Variants in MAMDC2 observed in about 807,000 individuals in gnomAD.
The protein encoded by MAMDC2 is MAM domain containing 2.
In MAMDC2, 57 loss-of-function variants were observed where a neutral mutation model predicts 89.8. That is an observed-to-expected ratio of 0.63 (90% CI 0.51 to 0.79). MAMDC2 has a LOEUF of 0.79. MAMDC2 is among the 30% of genes least tolerant of loss of function. The pLI is 0.00. For synonymous variants in MAMDC2, 313 were observed against 293.4 expected, an observed-to-expected ratio of 1.07 and a Z score of -0.68; for missense variants, 800 against 820.6, an observed-to-expected ratio of 0.97 and a Z score of 0.31.
In MAMDC2 at chr9:70,091,996, T is replaced by A. The variant is rs139529590; in HGVS notation, c.149-16215T>A. 7.8e-3 allele frequency among the ~76,000 whole-genome samples: 1,193 copies of A among 152,350 alleles called. 9 individuals carry two copies. The highest frequency in any genetic ancestry group is 0.027 in the African/African-American group (1,139 of 41,584). On this transcript the variant is annotated intron_variant, in intron 2 of 13. Coordinates refer to ENST00000377182, the MANE Select transcript of MAMDC2 (RefSeq NM_153267.5). Reference sequence around the variant, plus strand: ...TGTTTATTGTTCTTGGACTTAAATTTATTGCCTTAATTTTAAAATATCTTT... The same window carrying A: ...TGTTTATTGTTCTTGGACTTAAATTAATTGCCTTAATTTTAAAATATCTTT...
In MAMDC2 at chr9:70,180,326, G is replaced by GT. The variant is rs575038386; in HGVS notation, c.1651+9696dup. 8.5e-5 allele frequency among the ~76,000 whole-genome samples: 13 copies of GT among 152,278 alleles called. No individual in the cohort carries two copies. In the East Asian group the frequency reaches 2.5e-3, roughly 29 times the overall value. ...GTAAATAGTGCTGCAGTAAACATAT[G>GT]TGTGCATGTGTCTTTACAGTAGAAT... On this transcript the variant is annotated intron_variant, in intron 11 of 13. Transcript: ENST00000377182.
intron 2 of MAMDC2, chr9:70,060,508 C>T (rs1827125714): frequency 6.6e-6 from 1 of 152,220 alleles, no homozygotes; most frequent in Admixed American, 6.5e-5. Flanking sequence ...GCACCCCCAA[C>T]TGTCCTTGTC....
intron 9 of MAMDC2, among the ~76,000 whole-genome samples, chr9:70,152,128 A>G (rs894348780): frequency 2.0e-5 from 3 of 151,998 alleles, no homozygotes; most frequent in Non-Finnish European, 2.9e-5. Flanking sequence ...TGCCTTTCTG[A>G]TGGCCTCCCA....
chr9:70,128,936 C>A (rs1427209675), intron 6 of MAMDC2, among the ~76,000 whole-genome samples: 1 of 152,212 alleles, frequency 6.6e-6, no homozygotes, highest in African/African-American at 2.4e-5. Flanking sequence ...GAATTACAGG[C>A]ATGAACCACT....
At chr9:70,189,995 T>C (rs147705579) in intron 11 of MAMDC2, among the ~76,000 whole-genome samples, 1 of 152,290 alleles carries the variant, frequency 6.6e-6, no homozygotes, top group Admixed American at 6.5e-5. Flanking sequence ...ATCATTCTCA[T>C]ACTTTATTTA....
intron 2 of MAMDC2, among the ~76,000 whole-genome samples, chr9:70,054,283 G>T (rs554355704): frequency 6.6e-6 from 1 of 152,126 alleles, no homozygotes; most frequent in African/African-American, 2.4e-5. Context: ...ACAGCAGGAG[G>T]CTAAGAAAAG....
chr9:70,180,853 T>A (rs1474058171), intron 11 of MAMDC2, among the ~76,000 whole-genome samples: 1 of 152,200 alleles, frequency 6.6e-6, no homozygotes, highest in African/African-American at 2.4e-5. Context: ...AGCTCTTTAG[T>A]TTAATCAGAT....
intron 12 of MAMDC2, among the ~76,000 whole-genome samples, chr9:70,218,885 T>C (rs192738299): frequency 1.4e-3 from 208 of 152,362 alleles, no homozygotes; most frequent in African/African-American, 3.6e-3. Flanking sequence ...TATTTCTATG[T>C]ATCATGCATA....
At chr9:70,191,015 T>C (rs2032866322) in intron 11 of MAMDC2, among the ~76,000 whole-genome samples, 1 of 152,116 alleles carries the variant, frequency 6.6e-6, no homozygotes. Flanking sequence ...ACATCTTTTG[T>C]AGAGTATAAG....
rs190004984 is a variant in MAMDC2, at chr9:70,221,394, G to T, written c.1911+2798G>T. ...ATATATATATATAGAGAGAGAGAGA[G>T]AGAGAGAGAGAGAGTAACATCAGAT... On this transcript the variant is annotated intron_variant, in intron 12 of 13. Transcript: ENST00000377182. 1.6e-3 allele frequency among the ~76,000 whole-genome samples: 96 copies of T among 60,744 alleles called. 11 individuals are homozygous for T. Among genetic ancestry groups the T allele is most frequent in the South Asian group, 2.3e-3 (4 of 1,758 alleles). The allele number at this position is 60,744 out of a possible 152,430, so 39.9% of individuals were successfully genotyped here.
At chr9:70,177,920 T>C (rs2032546728) in intron 11 of MAMDC2, among the ~76,000 whole-genome samples, 1 of 152,204 alleles carries the variant, frequency 6.6e-6, no homozygotes, top group Non-Finnish European at 1.5e-5. Context: ...CAATGATTGG[T>C]ATTTTGGAAC....
chr9:70,177,115 T>C (rs1157031778), intron 11 of MAMDC2, among the ~76,000 whole-genome samples: 2 of 152,156 alleles, frequency 1.3e-5, no homozygotes, highest in East Asian at 3.9e-4. Flanking sequence ...CCTCAGATTT[T>C]TCCTTTCCTT....
At chr9:70,153,726 C>T (rs1365356151) in intron 9 of MAMDC2, 5 of 151,380 alleles carry the variant, frequency 3.3e-5, no homozygotes, top group Admixed American at 3.3e-4. Context: ...TGTCATAGGA[C>T]TGAAAAAAAA....
At chr9:70,199,895 G>T (rs1162681397) in intron 11 of MAMDC2, among the ~76,000 whole-genome samples, 1 of 151,808 alleles carries the variant, frequency 6.6e-6, no homozygotes. Flanking sequence ...TTTTGATGGG[G>T]TTGTTTGTTC....
At chr9:70,198,951 T>C (rs908855988) in intron 11 of MAMDC2, among the ~76,000 whole-genome samples, 2 of 152,160 alleles carry the variant, frequency 1.3e-5, no homozygotes, top group Non-Finnish European at 2.9e-5. Context: ...TATTCAGACA[T>C]GTAGGAATGC....
rs73647419 is a variant in MAMDC2 at position 70,196,502 on chromosome 9, C to A, written c.1652-21835C>A. Among the ~76,000 whole-genome samples, 844 of 152,076 alleles carry A rather than the reference C, an allele frequency of 5.5e-3. 6 individuals are homozygous for A. The highest frequency in any genetic ancestry group is 0.02 in the African/African-American group (810 of 41,458). On this transcript the variant is annotated intron_variant, in intron 11 of 13. Transcript: ENST00000377182. ...ACATGAAGACTTCAGCAAGGGATCC[C>A]CTGAAACAAGTGACACCAAGCCATT...
At chr9:70,219,457 G>A (rs529360498) in intron 12 of MAMDC2, among the ~76,000 whole-genome samples, 31 of 152,324 alleles carry the variant, frequency 2.0e-4, no homozygotes, top group East Asian at 5.8e-4. Flanking sequence ...AGCACTCTGC[G>A]TCTTTAACCA....
At chr9:70,122,843 C>T (rs73451415) in intron 5 of MAMDC2, among the ~76,000 whole-genome samples, 2,320 of 152,118 alleles carry the variant, frequency 0.015, 54 homozygotes, top group African/African-American at 0.052. Flanking sequence ...CAGCTCAGGA[C>T]GCAAACCTGA....
chr9:70,164,530 C>T (rs1487195469), intron 9 of MAMDC2, among the ~76,000 whole-genome samples: 1 of 152,152 alleles, frequency 6.6e-6, no homozygotes, highest in Admixed American at 6.5e-5. Flanking sequence ...TACATGGAGA[C>T]ATTGATTTAC....
Sources: gnomAD v4.1 joint callset for allele counts (sites outside exome capture counted in the v4.1 genomes callset) on GRCh38, gnomAD v4.1.1 for gene constraint, MANE v1.5 for transcripts, NCBI Gene and HGNC (gene_info 2026-07-23, HGNC 2026-07-21) for gene names.